The following AAMDC variants were observed in gnomAD, a reference collection of about 807,000 sequenced individuals.
AAMDC encodes mth938 domain-containing protein.
In AAMDC, 16 loss-of-function variants were observed where a neutral mutation model predicts 15.5. The ratio of observed to expected loss-of-function variants is 1.03; its 90% CI spans 0.70 to 1.57. The LOEUF (loss-of-function observed/expected upper bound fraction) is 1.57, where lower values mean the gene tolerates loss of function less well. Ranked by LOEUF, AAMDC falls within the 40% of genes most tolerant of loss-of-function variation. AAMDC has a pLI of 0.00. For missense variants in AAMDC, 141 were observed against 144.9 expected, an observed-to-expected ratio of 0.97 and a Z score of 0.14; for synonymous variants, 51 against 51.6, an observed-to-expected ratio of 0.99 and a Z score of 0.05.
chr11:77,895,456 AAAATGGG>A (rs1952469408), intron 5 of AAMDC, among the ~76,000 whole-genome samples: 2 of 151,346 alleles, frequency 1.3e-5, no homozygotes, highest in African/African-American at 4.9e-5. Flanking sequence ...GAATGAACAA[AAAATGGG>A]GCCGGGGGTA....
At chr11:77,834,935 TATCTC>T (rs1220344498) in intron 1 of AAMDC, among the ~76,000 whole-genome samples, 1 of 152,174 alleles carries the variant, frequency 6.6e-6, no homozygotes, top group Non-Finnish European at 1.5e-5. Context: ...AAATGAATAT[TATCTC>T]ATGAGCTAAA....
intron 1 of AAMDC, among the ~76,000 whole-genome samples, chr11:77,832,941 G>GTATA (rs1330087632): frequency 5.3e-5 from 5 of 94,210 alleles, no homozygotes; most frequent in Admixed American, 1.2e-4. Context: ...GCACTTTATT[G>GTATA]TATATATATA....
Position 77,900,504 on chromosome 11 carries a change from C to A in AAMDC, c.329-67C>A. 4 of 589,712 alleles carry A rather than the reference C, an allele frequency of 6.8e-6. No individual in the cohort carries two copies. In the South Asian group the frequency reaches 8.4e-5, roughly 12 times the overall value. 36.5% of individuals were successfully genotyped at this position (589,712 alleles called of 1,614,324 possible). A position where few individuals can be genotyped will look rare whatever the true frequency, so the allele number is the denominator to read the frequency against. ...TATTTTTCAGGATGTTATTTCTGAC[C>A]TAGTATGTTTCTGTGTTTAAGCATT... is the stretch of plus-strand genomic sequence containing the variant. On this transcript the variant is annotated intron_variant, in intron 5 of 5. Transcript: ENST00000304716.
At chr11:77,836,062 C>G (rs1424306097) in intron 1 of AAMDC, among the ~76,000 whole-genome samples, 1 of 152,170 alleles carries the variant, frequency 6.6e-6, no homozygotes, top group Non-Finnish European at 1.5e-5. Context: ...CTTAACCACT[C>G]TCCAATCTTG....
At chr11:77,825,433 A>G (rs2136035558) in intron 1 of AAMDC, among the ~76,000 whole-genome samples, 1 of 152,300 alleles carries the variant, frequency 6.6e-6, no homozygotes, top group East Asian at 1.9e-4. Context: ...CAAGCTGCGC[A>G]CGGTGGTTCA....
intron 1 of AAMDC, among the ~76,000 whole-genome samples, chr11:77,824,650 A>G (rs1315556998): frequency 6.6e-6 from 1 of 152,212 alleles, no homozygotes; most frequent in Non-Finnish European, 1.5e-5. Flanking sequence ...AATTCCATCA[A>G]TATGAAGGTC....
At chr11:77,856,244 C>G (rs1157000896) in intron 2 of AAMDC, among the ~76,000 whole-genome samples, 1 of 152,216 alleles carries the variant, frequency 6.6e-6, no homozygotes, top group African/African-American at 2.4e-5. Context: ...CACAAGTAAC[C>G]TTTACACTAG....
chr11:77,869,408 G>A (rs1293574188), intron 2 of AAMDC, among the ~76,000 whole-genome samples: 1 of 148,104 alleles, frequency 6.8e-6, no homozygotes, highest in Non-Finnish European at 1.5e-5. Context: ...GACCTCCCAG[G>A]CCCAAGCAAT....
chr11:77,841,185 C>T (rs1949916170), intron 1 of AAMDC: 2 of 702,022 alleles, frequency 2.8e-6, no homozygotes, highest in South Asian at 1.5e-5. Context: ...ATAATCTATT[C>T]ATGAGGGTGG....
chr11:77,831,375 GA>G (rs1949417786), intron 1 of AAMDC, among the ~76,000 whole-genome samples: 1 of 152,100 alleles, frequency 6.6e-6, no homozygotes, highest in Non-Finnish European at 1.5e-5. Flanking sequence ...ATATGTCCAT[GA>G]AAAAATTTTT....
intron 5 of AAMDC, chr11:77,878,696 T>C: frequency 1.4e-6 from 1 of 690,004 alleles, no homozygotes; most frequent in Non-Finnish European, 2.6e-6. Context: ...ACGCATTTCT[T>C]TACAGACCAG....
At chr11:77,901,759 G>T (rs1406755968), downstream of AAMDC, among the ~76,000 whole-genome samples, 1 of 151,742 alleles carries the variant, frequency 6.6e-6, no homozygotes. Context: ...GACTGACCTG[G>T]TAATAAAATC....
intron 1 of AAMDC, among the ~76,000 whole-genome samples, chr11:77,836,493 C>T (rs1164692401): frequency 6.6e-6 from 1 of 152,142 alleles, no homozygotes; most frequent in African/African-American, 2.4e-5. Flanking sequence ...CTATTGGCAC[C>T]TTGATCTTGG....
At chr11:77,888,106 A>G (rs1204071379) in intron 5 of AAMDC, among the ~76,000 whole-genome samples, 2 of 152,218 alleles carry the variant, frequency 1.3e-5, no homozygotes, top group African/African-American at 2.4e-5. Flanking sequence ...AAAAGAGCCC[A>G]CATCGCCAAG....
intron 2 of AAMDC, among the ~76,000 whole-genome samples, chr11:77,848,888 C>T (rs1025303632): frequency 4.6e-5 from 7 of 152,114 alleles, no homozygotes; most frequent in Admixed American, 1.3e-4. Context: ...TAGATTCAAG[C>T]GATCCTCCAG....
At chr11:77,852,224 C>CAAAAAA (rs545742213) in intron 2 of AAMDC, among the ~76,000 whole-genome samples, 5,751 of 33,078 alleles carry the variant, frequency 0.17, 954 homozygotes, top group Non-Finnish European at 0.19. Flanking sequence ...GACACTGTCT[C>CAAAAAA]AAAAAAAAAA....
At chr11:77,832,971 GT>G in intron 1 of AAMDC, among the ~76,000 whole-genome samples, 1 of 61,898 alleles carries the variant, frequency 1.6e-5, no homozygotes, top group African/African-American at 8.6e-5. Context: ...GTGTGTGTGT[GT>G]GTGTGTGTGT....
downstream of AAMDC, chr11:77,901,433 C>T (rs761630699): frequency 1.5e-5 from 25 of 1,613,772 alleles, no homozygotes; most frequent in Non-Finnish European, 2.1e-5. Flanking sequence ...TCGTGTAGTT[C>T]GTGCTGTTAC....
chr11:77,859,228 A>G (rs1469607457), intron 2 of AAMDC, among the ~76,000 whole-genome samples: 1 of 152,186 alleles, frequency 6.6e-6, no homozygotes, highest in Non-Finnish European at 1.5e-5. Context: ...GGATTACCCC[A>G]TATTAGGGGT....
Sources: allele counts gnomAD v4.1 joint callset (sites outside exome capture counted in the v4.1 genomes callset), GRCh38; gene constraint gnomAD v4.1.1; transcripts MANE v1.5; gene names NCBI Gene and HGNC (gene_info 2026-07-23, HGNC 2026-07-21).